Variants in FBXO31 observed in about 807,000 individuals in gnomAD.
FBXO31 encodes the protein F-box only protein 31.
Under a neutral mutation model 54.4 loss-of-function variants are expected in FBXO31, and 24 were observed. The ratio of observed to expected loss-of-function variants is 0.44; its 90% CI spans 0.32 to 0.62. The LOEUF (loss-of-function observed/expected upper bound fraction) is 0.62. Ranked by LOEUF, FBXO31 falls within the 20% of genes least tolerant of loss-of-function variation. The pLI, the probability that FBXO31 is intolerant of heterozygous loss-of-function variation, is 0.05. For synonymous variants in FBXO31, 388 were observed against 335.6 expected, an observed-to-expected ratio of 1.16 and a Z score of -1.71; for missense variants, 665 against 787.1, an observed-to-expected ratio of 0.84 and a Z score of 1.86.
At chr16:87,362,140 G>A (rs1465184005) in intron 1 of FBXO31, among the ~76,000 whole-genome samples, 7 of 152,202 alleles carry the variant, frequency 4.6e-5, no homozygotes, top group Non-Finnish European at 8.8e-5. Context: ...GATCTAGGCC[G>A]GGGCTGCCCT....
At chr16:87,350,466 T>C in intron 2 of FBXO31, among the ~76,000 whole-genome samples, 1 of 152,174 alleles carries the variant, frequency 6.6e-6, no homozygotes, top group Admixed American at 6.5e-5. Context: ...GCCAGTCTTG[T>C]TACTTTACGG....
At chr16:87,390,756 A>G (rs1444248026), upstream of FBXO31, among the ~76,000 whole-genome samples, 1 of 152,000 alleles carries the variant, frequency 6.6e-6, no homozygotes, top group Admixed American at 6.6e-5. Flanking sequence ...ATATATTTTC[A>G]TACTTTTTTT....
chr16:87,353,230 G>A (rs1189473214), intron 2 of FBXO31, among the ~76,000 whole-genome samples: 1 of 152,082 alleles, frequency 6.6e-6, no homozygotes, highest in Non-Finnish European at 1.5e-5. Context: ...GCCTCTCACT[G>A]TTACTCCCAC....
intron 5 of FBXO31, among the ~76,000 whole-genome samples, chr16:87,341,226 C>T (rs1343987458): frequency 6.6e-6 from 1 of 152,202 alleles, no homozygotes; most frequent in African/African-American, 2.4e-5. Flanking sequence ...AGCCCACACA[C>T]AGAAGTAGGC....
rs2150668998 is a variant in FBXO31 at position 87,335,207 on chromosome 16, G to T, written c.996+97C>A. 2 of 1,551,350 alleles carry T rather than the reference G, an allele frequency of 1.3e-6. No individual in the cohort carries two copies. The highest frequency in any genetic ancestry group is 1.8e-6 in the Non-Finnish European group (2 of 1,138,558). On this transcript the variant is annotated intron_variant, in intron 7 of 8. Coordinates refer to ENST00000311635, the MANE Select transcript of FBXO31 (RefSeq NM_024735.5). This position sits in a 1 kb window ranked among gnomAD's most constrained non-coding sequence, Gnocchi z 5.7. ...TGCAAGCCCACTCTGAGGAGCAAGG[G>T]TGCCGGGGATCAGTGTCTGCCCAAG...
chr16:87,331,401 G>T lies in FBXO31; in HGVS notation c.1507C>A (p.Leu503Met). 1 of 1,613,906 alleles carries T rather than the reference G, an allele frequency of 6.2e-7. No individual in the cohort carries two copies. Among genetic ancestry groups the T allele is most frequent in the South Asian group, 1.1e-5 (1 of 91,080 alleles). The change falls in exon 9 of 9, where the codon CTG becomes ATG. Residue 503 changes from leucine to methionine, a missense_variant. Physicochemically the swap from Leu to Met is conservative, Grantham distance 15. This residue lies in a region of FBXO31 where 71 missense variants were observed against 105.8 expected (regional missense o/e 0.67). Coordinates refer to ENST00000311635, the MANE Select transcript of FBXO31 (RefSeq NM_024735.5). ...EDRFGFVWLE[L>M]KSFSLYSRVQ... is the part of the protein sequence containing the mutation. ...CGGCTGTACAGGCTGAAGGATTTCA[G>T]CTCCAGCCAGACGAACCCGAAGCGG...
rs77172779 is a variant in FBXO31 at position 87,358,302 on chromosome 16, G to A, written c.412+1993C>T. ...AGGATGACAAAAAGCCACGAGGTCCGCTTGCTCCAGGACCAAAGCTGTCCC... is the reference window on the plus strand; with the variant it reads ...AGGATGACAAAAAGCCACGAGGTCCACTTGCTCCAGGACCAAAGCTGTCCC... On this transcript the variant is annotated intron_variant, in intron 2 of 8. Transcript: ENST00000311635. The surrounding 1 kb of genome is among the most constrained non-coding windows in gnomAD (Gnocchi z 4.0). 0.011 allele frequency: 1,701 copies of A among 152,656 alleles called. 8 individuals are homozygous for A. The highest frequency in any genetic ancestry group is 0.017 in the Non-Finnish European group (1,182 of 68,052). The allele number at this position is 152,656 out of a possible 1,614,324, so 9.5% of individuals were successfully genotyped here.
chr16:87,382,321 A>C (rs1428266158), intron 1 of FBXO31, among the ~76,000 whole-genome samples: 1 of 152,120 alleles, frequency 6.6e-6, no homozygotes, highest in African/African-American at 2.4e-5. Context: ...AAATGTTAAG[A>C]GTGGTTTATT....
chr16:87,374,561 G>C lies in FBXO31; in HGVS notation c.340+8844C>G, dbSNP rs182686989. Among the ~76,000 whole-genome samples, 555 of 152,228 alleles carry C rather than the reference G, an allele frequency of 3.6e-3. 5 individuals are homozygous for C. The highest frequency in any genetic ancestry group is 0.013 in the African/African-American group (545 of 41,536). ...AGCCCGACTGTCTGTATAGGAAAAGGGTATTTCTAGCGATGATGAAATTTA... is the reference window on the plus strand; with the variant it reads ...AGCCCGACTGTCTGTATAGGAAAAGCGTATTTCTAGCGATGATGAAATTTA... On this transcript the variant is annotated intron_variant, in intron 1 of 8. Transcript: ENST00000311635.
rs191623307 is a variant in FBXO31 at position 87,368,692 on chromosome 16, G to A, written c.341-8326C>T. The stretch of plus-strand genomic sequence containing the variant: ...GTAATTATCCATCTTAATAGTTTCA[G>A]AAAGAGGAACAGATAACCTCAGTCC... On this transcript the variant is annotated intron_variant, in intron 1 of 8. Coordinates refer to ENST00000311635, the MANE Select transcript of FBXO31 (RefSeq NM_024735.5). Among the ~76,000 whole-genome samples, 141 of 150,200 alleles carry A rather than the reference G, an allele frequency of 9.4e-4. 1 individual carries two copies. Among genetic ancestry groups the A allele is most frequent in the Non-Finnish European group, 1.8e-3 (119 of 67,832 alleles).
At chr16:87,372,995 A>G (rs370408647) in intron 1 of FBXO31, among the ~76,000 whole-genome samples, 23 of 147,850 alleles carry the variant, frequency 1.6e-4, no homozygotes, top group African/African-American at 5.7e-4. Flanking sequence ...TCAGCCTCCC[A>G]AAGTGCTGGG....
At chr16:87,364,507 A>T (rs1206139626) in intron 1 of FBXO31, among the ~76,000 whole-genome samples, 2 of 152,124 alleles carry the variant, frequency 1.3e-5, no homozygotes, top group African/African-American at 4.8e-5. Flanking sequence ...GTCAATGTGG[A>T]AGTCAGAATG....
rs541639495 is a variant in FBXO31 at position 87,336,614 on chromosome 16, C to G, written c.733-350G>C. On this transcript the variant is annotated intron_variant, in intron 5 of 8. Coordinates refer to ENST00000311635, the MANE Select transcript of FBXO31 (RefSeq NM_024735.5). This position sits in a 1 kb window ranked among gnomAD's most constrained non-coding sequence, Gnocchi z 6.5. ...ATGCCCACCGGTGGGGCAGGAACAG[C>G]ATCTACACAGACTCTGGCCCTGCAC... Among the ~76,000 whole-genome samples the G allele has an allele frequency of 6.6e-6, 1 of 151,314 alleles. No individual in the cohort carries two copies. Among genetic ancestry groups the G allele is most frequent in the African/African-American group, 2.4e-5 (1 of 41,196 alleles).
chr16:87,364,206 A>G (rs1906256634), intron 1 of FBXO31, among the ~76,000 whole-genome samples: 1 of 152,236 alleles, frequency 6.6e-6, no homozygotes. Flanking sequence ...CAGGGACTCC[A>G]CCAGGCCATG....
intron 1 of FBXO31, among the ~76,000 whole-genome samples, chr16:87,379,418 C>T (rs959018639): frequency 6.6e-6 from 1 of 152,158 alleles, no homozygotes; most frequent in East Asian, 1.9e-4. Context: ...CTTAAACAGG[C>T]TTGTTTACTT....
upstream of FBXO31, among the ~76,000 whole-genome samples, chr16:87,390,071 G>A (rs1203929432): frequency 6.6e-5 from 10 of 152,158 alleles, no homozygotes; most frequent in South Asian, 2.1e-4. Context: ...ACCTGAGGTC[G>A]GGAGTTCAAG....
chr16:87,344,231 G>A (rs12928484), intron 3 of FBXO31, among the ~76,000 whole-genome samples: 46,237 of 152,222 alleles, frequency 0.3, 8,191 homozygotes, highest in Non-Finnish European at 0.42. Context: ...TTCTTAGGGC[G>A]CTGCCCGGAG....
Position 87,331,384 on chromosome 16 carries a change from C to T in FBXO31, c.1524G>A (p.Leu508=), listed in dbSNP as rs777717079. 6.8e-6 allele frequency: 11 copies of T among 1,613,960 alleles called. No homozygotes were observed. The highest frequency in any genetic ancestry group is 6.8e-6 in the Non-Finnish European group (8 of 1,180,034). ...GGAAGGTGGCCTGGACCCGGCTGTACAGGCTGAAGGATTTCAGCTCCAGCC... is the reference window on the plus strand; with the variant it reads ...GGAAGGTGGCCTGGACCCGGCTGTATAGGCTGAAGGATTTCAGCTCCAGCC... ...FVWLELKSFS[L]YSRVQATFRN... The change falls in exon 9 of 9, where the codon CTG becomes CTA. Residue 508 remains leucine, a synonymous_variant. Coordinates refer to ENST00000311635, the MANE Select transcript of FBXO31 (RefSeq NM_024735.5).
chr16:87,341,740 A>G (rs1905203317), intron 5 of FBXO31, among the ~76,000 whole-genome samples: 2 of 152,196 alleles, frequency 1.3e-5, no homozygotes, highest in Admixed American at 6.5e-5. Flanking sequence ...CAAATCTAAA[A>G]TAACAGCATA....
Sources: gnomAD v4.1 joint callset for allele counts (sites outside exome capture counted in the v4.1 genomes callset) on GRCh38, gnomAD v4.1.1 for gene constraint, gnomAD v4.1.1 regional missense constraint, Gnocchi (gnomAD v3.1) non-coding constraint, MANE v1.5 for transcripts, NCBI Gene and HGNC (gene_info 2026-07-23, HGNC 2026-07-21) for gene names.